Variants in INPP4B observed in about 807,000 individuals in gnomAD.
The protein encoded by INPP4B is inositol polyphosphate-4-phosphatase type II B, also known as inositol polyphosphate 4-phosphatase type II.
In INPP4B, 55 loss-of-function variants were observed where a neutral mutation model predicts 122.5. The ratio of observed to expected loss-of-function variants is 0.45; its 90% CI spans 0.36 to 0.56. The LOEUF is 0.56. Among genes scored for constraint, INPP4B ranks in the 20% least tolerant of loss-of-function variants. The pLI is 0.00. For synonymous variants in INPP4B, 403 were observed against 388.7 expected (o/e 1.04, Z -0.43); for missense variants, 1,000 against 1,097.7 (o/e 0.91, Z 1.26).
At chr4:142,798,360 T>C (rs1777550213) in intron 1 of INPP4B, among the ~76,000 whole-genome samples, 1 of 151,886 alleles carries the variant, frequency 6.6e-6, no homozygotes, top group Non-Finnish European at 1.5e-5. Flanking sequence ...AAAATAATCT[T>C]AGCTCATCAT....
intron 1 of INPP4B, among the ~76,000 whole-genome samples, chr4:142,844,430 T>G (rs78969936): frequency 0.041 from 6,232 of 152,330 alleles, 138 homozygotes; most frequent in African/African-American, 0.063. Flanking sequence ...GACAATCTTC[T>G]ACATCACATT....
At chr4:142,660,884 A>G (rs1580652988) in intron 2 of INPP4B, 1 of 152,510 alleles carries the variant, frequency 6.6e-6, no homozygotes, top group African/African-American at 2.4e-5. Context: ...CCATTTCCCC[A>G]AAACAGCGCC....
At chr4:142,123,875 T>C (rs1387649991) in intron 19 of INPP4B, among the ~76,000 whole-genome samples, 1 of 152,056 alleles carries the variant, frequency 6.6e-6, no homozygotes, top group Non-Finnish European at 1.5e-5. Flanking sequence ...ATTCATGAAA[T>C]AGTGGGGGAA....
intron 7 of INPP4B, among the ~76,000 whole-genome samples, chr4:142,373,938 C>A (rs956586619): frequency 1.3e-5 from 2 of 151,672 alleles, no homozygotes; most frequent in Non-Finnish European, 2.9e-5. Context: ...TATAAACTGT[C>A]GTGCATTGAG....
intron 12 of INPP4B, among the ~76,000 whole-genome samples, chr4:142,232,304 C>T (rs958172895): frequency 6.6e-6 from 1 of 152,076 alleles, no homozygotes; most frequent in Non-Finnish European, 1.5e-5. Context: ...GGCAATCCTT[C>T]GTGAAGGTCT....
At chr4:142,371,316 A>G (rs1378306409) in intron 7 of INPP4B, among the ~76,000 whole-genome samples, 1 of 152,176 alleles carries the variant, frequency 6.6e-6, no homozygotes, top group Non-Finnish European at 1.5e-5. Flanking sequence ...GAAACTATGA[A>G]ACTATTAGAA....
rs1409124894 is a variant in INPP4B, at chr4:142,818,455, T to G, written c.-254+27754A>C. ...GGCAATTTAAACGTGTGTGTGTGTG[T>G]GTGTGTATTTCCAGTTCTATCTATA... is the stretch of plus-strand genomic sequence containing the variant. On this transcript the variant is annotated intron_variant, in intron 1 of 25. Transcript: ENST00000262992. 1.4e-4 allele frequency among the ~76,000 whole-genome samples: 22 copies of G among 152,192 alleles called. No homozygotes were observed. The East Asian group carries it at 3.7e-3, about 25-fold the overall frequency.
At chr4:142,508,040 T>C (rs1213464972) in intron 2 of INPP4B, among the ~76,000 whole-genome samples, 1 of 152,154 alleles carries the variant, frequency 6.6e-6, no homozygotes, top group Non-Finnish European at 1.5e-5. Flanking sequence ...ATTCTTTTGC[T>C]ACCACTTTGA....
intron 15 of INPP4B, among the ~76,000 whole-genome samples, chr4:142,174,603 T>C (rs1046178777): frequency 6.7e-6 from 1 of 148,356 alleles, no homozygotes; most frequent in Non-Finnish European, 1.5e-5. Flanking sequence ...AAATCTAAAA[T>C]TGATTATTAA....
chr4:142,626,521 T>G (rs1746445956), intron 2 of INPP4B, among the ~76,000 whole-genome samples: 1 of 151,960 alleles, frequency 6.6e-6, no homozygotes, highest in African/African-American at 2.4e-5. Context: ...CATAAGTAAC[T>G]GGATTCTGCC....
At chr4:142,342,910 T>G (rs2151713191) in intron 7 of INPP4B, among the ~76,000 whole-genome samples, 1 of 152,252 alleles carries the variant, frequency 6.6e-6, no homozygotes, top group East Asian at 1.9e-4. Context: ...TGGATGCGTT[T>G]AAAACTGGAA....
chr4:142,825,174 C>A (rs923086346), intron 1 of INPP4B, among the ~76,000 whole-genome samples: 9 of 152,072 alleles, frequency 5.9e-5, no homozygotes, highest in African/African-American at 2.2e-4. Flanking sequence ...GCTTTGACTT[C>A]TTTTGCCTTT....
chr4:142,185,703 C>T (rs1158931263), intron 15 of INPP4B, among the ~76,000 whole-genome samples: 2 of 151,426 alleles, frequency 1.3e-5, no homozygotes, highest in South Asian at 2.1e-4. Flanking sequence ...CACGGTGAAA[C>T]CCTGTCTCTA....
chr4:142,086,633 G>C (rs1776937779), intron 23 of INPP4B, among the ~76,000 whole-genome samples: 1 of 152,148 alleles, frequency 6.6e-6, no homozygotes, highest in Non-Finnish European at 1.5e-5. Flanking sequence ...GGGATTACAG[G>C]CATGAGCCAC....
chr4:142,458,219 G>A (rs946013661), intron 3 of INPP4B, among the ~76,000 whole-genome samples: 1 of 152,046 alleles, frequency 6.6e-6, no homozygotes, highest in Non-Finnish European at 1.5e-5. Flanking sequence ...CTATTTTAAT[G>A]GCATAAATAA....
At chr4:142,689,664 A>G (rs1560964121) in intron 2 of INPP4B, among the ~76,000 whole-genome samples, 1 of 152,194 alleles carries the variant, frequency 6.6e-6, no homozygotes, top group Non-Finnish European at 1.5e-5. Context: ...CAAACTTGTT[A>G]TATGAAACTT....
At chr4:142,830,985 G>A (rs994099079) in intron 1 of INPP4B, among the ~76,000 whole-genome samples, 2 of 151,808 alleles carry the variant, frequency 1.3e-5, no homozygotes, top group African/African-American at 2.4e-5. Context: ...TCACACCACT[G>A]CACTCCAGCC....
intron 25 of INPP4B, among the ~76,000 whole-genome samples, chr4:142,068,057 A>G (rs1764672489): frequency 6.6e-6 from 1 of 152,212 alleles, no homozygotes; most frequent in African/African-American, 2.4e-5. Flanking sequence ...AAAGGAAGGA[A>G]AAAAAGTTAA....
chr4:142,241,901 A>G (rs552381333), intron 11 of INPP4B, among the ~76,000 whole-genome samples: 1 of 152,288 alleles, frequency 6.6e-6, no homozygotes, highest in African/African-American at 2.4e-5. Flanking sequence ...ATCTTCACAC[A>G]CTTTCTTGCT....
Sources: gnomAD v4.1 joint callset for allele counts (sites outside exome capture counted in the v4.1 genomes callset) on GRCh38, gnomAD v4.1.1 for gene constraint, MANE v1.5 for transcripts, NCBI Gene and HGNC (gene_info 2026-07-23, HGNC 2026-07-21) for gene names.